The following HHAT variants were observed in gnomAD, a reference collection of about 807,000 sequenced individuals.
The protein encoded by HHAT is hedgehog acyltransferase, also known as protein-cysteine N-palmitoyltransferase HHAT.
HHAT carries 47 observed loss-of-function variants against 70.8 expected under a neutral mutation model. The ratio of observed to expected loss-of-function variants is 0.66; its 90% CI spans 0.53 to 0.85. The LOEUF (loss-of-function observed/expected upper bound fraction) is 0.85. HHAT is among the 40% of genes least tolerant of loss of function. The pLI is 0.00. For missense variants in HHAT, 609 were observed against 604.8 expected (o/e 1.01, Z -0.07); for synonymous variants, 228 against 247.6 (o/e 0.92, Z 0.74).
intron 8 of HHAT, among the ~76,000 whole-genome samples, chr1:210,474,511 T>TA (rs2148468593): frequency 6.6e-6 from 1 of 152,332 alleles, no homozygotes; most frequent in Non-Finnish European, 1.5e-5. Context: ...GTGGTTAACC[T>TA]ACCAGCCTAA....
chr1:210,506,011 T>C (rs989630201), intron 8 of HHAT, among the ~76,000 whole-genome samples: 1 of 152,104 alleles, frequency 6.6e-6, no homozygotes, highest in Non-Finnish European at 1.5e-5. Context: ...TGGCCATGGG[T>C]TCTGGTCTGA....
At chr1:210,434,100 G>T (rs2093320353) in intron 7 of HHAT, among the ~76,000 whole-genome samples, 1 of 151,944 alleles carries the variant, frequency 6.6e-6, no homozygotes, top group African/African-American at 2.4e-5. Flanking sequence ...TCTTGTGAAG[G>T]TTTAAAAAAG....
rs780625625 is a variant in HHAT, at chr1:210,674,413, C to T, written c.*34C>T. The T allele has an allele frequency of 7.1e-6, 11 of 1,550,586 alleles. No homozygotes were observed. In the Admixed American group the frequency reaches 1.0e-4, roughly 14 times the overall value. Reference sequence around the variant, plus strand: ...GGCCCAGGCCAGTCCTTGTTGCTGGCCTCCAAGGCAAATAGTGCTTCACCC... The same window carrying T: ...GGCCCAGGCCAGTCCTTGTTGCTGGTCTCCAAGGCAAATAGTGCTTCACCC... On this transcript the variant is annotated 3_prime_UTR_variant, in exon 12 of 12. Coordinates refer to ENST00000261458, the MANE Select transcript of HHAT (RefSeq NM_018194.6).
intron 9 of HHAT, among the ~76,000 whole-genome samples, chr1:210,560,366 T>C (rs1228901563): frequency 6.6e-6 from 1 of 152,160 alleles, no homozygotes; most frequent in East Asian, 1.9e-4. Context: ...TCTCATGCTT[T>C]GTTGGTTTTC....
At chr1:210,521,312 TTGAA>T (rs1409650820) in intron 9 of HHAT, among the ~76,000 whole-genome samples, 2 of 152,168 alleles carry the variant, frequency 1.3e-5, no homozygotes, top group Non-Finnish European at 2.9e-5. Flanking sequence ...TCAAATATCT[TTGAA>T]TGGCCAGAAG....
chr1:210,577,087 G>A lies in HHAT; in HGVS notation c.1044-10811G>A, dbSNP rs562308806. Among the ~76,000 whole-genome samples the A allele has an allele frequency of 1.5e-4, 22 of 148,582 alleles. No homozygotes were observed. The South Asian group carries it at 4.7e-3, about 32-fold the overall frequency. ...TTGTTTAACGGGTTTTTTTTTTGCA[G>A]TCTTTAGGGTTTTTTACGTATAAGA... is the stretch of plus-strand genomic sequence containing the variant. On this transcript the variant is annotated intron_variant, in intron 9 of 11. Transcript: ENST00000261458.
At chr1:210,670,287 C>T (rs772111397) in intron 11 of HHAT, among the ~76,000 whole-genome samples, 6 of 152,180 alleles carry the variant, frequency 3.9e-5, no homozygotes, top group Admixed American at 6.5e-5. Flanking sequence ...CAGTCAGAGA[C>T]CTTGTGTCTA....
intron 11 of HHAT, among the ~76,000 whole-genome samples, chr1:210,651,858 G>A (rs891217827): frequency 1.3e-5 from 2 of 152,242 alleles, no homozygotes; most frequent in Non-Finnish European, 2.9e-5. Flanking sequence ...TCTAGGCCAG[G>A]GCTTGGTTGT....
intron 8 of HHAT, among the ~76,000 whole-genome samples, chr1:210,512,689 A>C (rs1156797089): frequency 6.7e-6 from 1 of 149,120 alleles, no homozygotes; most frequent in Non-Finnish European, 1.5e-5. Context: ...AAAAAAAAAA[A>C]ACCCATATAT....
rs192187062 is a variant in HHAT, at chr1:210,665,063, C to T, written c.1391-9225C>T. On this transcript the variant is annotated intron_variant, in intron 11 of 11. Transcript: ENST00000261458. Reference sequence around the variant, plus strand: ...CTGAGCCAGCCCATTAGTAAACCCTCTGGAGGTTGAAATTTATCAGTTTCA... The same window carrying T: ...CTGAGCCAGCCCATTAGTAAACCCTTTGGAGGTTGAAATTTATCAGTTTCA... Among the ~76,000 whole-genome samples, 522 of 152,324 alleles carry T rather than the reference C, an allele frequency of 3.4e-3. 1 individual carries two copies. The highest frequency in any genetic ancestry group is 0.012 in the African/African-American group (496 of 41,574).
chr1:210,533,899 G>T (rs560653865), intron 9 of HHAT, among the ~76,000 whole-genome samples: 2 of 152,286 alleles, frequency 1.3e-5, no homozygotes, highest in South Asian at 4.1e-4. Flanking sequence ...AAAAGGCCCG[G>T]CTTGAATGAG....
intron 7 of HHAT, among the ~76,000 whole-genome samples, chr1:210,458,029 T>C (rs1305835029): frequency 2.0e-5 from 3 of 152,162 alleles, no homozygotes; most frequent in Non-Finnish European, 4.4e-5. Flanking sequence ...AATACTAGAA[T>C]TGAAATCATA....
chr1:210,386,908 T>C (rs1221034900), intron 3 of HHAT, among the ~76,000 whole-genome samples: 1 of 152,216 alleles, frequency 6.6e-6, no homozygotes, highest in Non-Finnish European at 1.5e-5. Flanking sequence ...TCATTATAAA[T>C]TTATATGAAC....
rs2091174361 is a variant in HHAT at position 210,387,548 on chromosome 1, A to G, written c.240A>G (p.Val80=). ...WLVWLLLGHM[V]VSQMATLLAR... is the part of the protein sequence containing the mutation. The stretch of plus-strand genomic sequence containing the variant: ...TGTGGCTTCTCCTTGGCCACATGGT[A>G]GTGTCTCAAATGGCCACACTGCTGG... The change falls in exon 4 of 12, where the codon GTA becomes GTG. Residue 80 remains valine, a synonymous_variant. Coordinates refer to ENST00000261458, the MANE Select transcript of HHAT (RefSeq NM_018194.6). 1 of 1,613,946 alleles carries G rather than the reference A, an allele frequency of 6.2e-7. No individual in the cohort carries two copies. The highest frequency in any genetic ancestry group is 1.3e-5 in the African/African-American group (1 of 74,918).
intron 6 of HHAT, among the ~76,000 whole-genome samples, chr1:210,411,989 G>C (rs1034110211): frequency 1.1e-4 from 16 of 152,182 alleles, no homozygotes; most frequent in African/African-American, 3.6e-4. Flanking sequence ...TCTAGAGGCT[G>C]GGAAGTCCAA....
chr1:210,513,528 T>G (rs919435853), intron 9 of HHAT, among the ~76,000 whole-genome samples: 3 of 152,236 alleles, frequency 2.0e-5, no homozygotes, highest in Non-Finnish European at 4.4e-5. Context: ...CAATTTTCCC[T>G]CCACTGAATT....
chr1:210,628,571 C>G (rs1670269514), intron 11 of HHAT, among the ~76,000 whole-genome samples: 1 of 152,192 alleles, frequency 6.6e-6, no homozygotes, highest in Non-Finnish European at 1.5e-5. Flanking sequence ...ACACTTAGCT[C>G]CTGGAGTGAC....
chr1:210,469,514 G>C (rs1010258564), intron 8 of HHAT, among the ~76,000 whole-genome samples: 9 of 152,148 alleles, frequency 5.9e-5, no homozygotes, highest in African/African-American at 1.9e-4. Flanking sequence ...CTGGATTGTT[G>C]TAAGGGTTAG....
intron 1 of HHAT, among the ~76,000 whole-genome samples, chr1:210,344,487 T>C (rs1319541325): frequency 1.3e-5 from 2 of 152,106 alleles, no homozygotes; most frequent in African/African-American, 4.8e-5. Context: ...TAACTGAGTG[T>C]CCTATTAAGT....
Sources: allele counts gnomAD v4.1 joint callset (sites outside exome capture counted in the v4.1 genomes callset), GRCh38; gene constraint gnomAD v4.1.1; transcripts MANE v1.5; gene names NCBI Gene and HGNC (gene_info 2026-07-23, HGNC 2026-07-21).